The following PNPO variants were observed in gnomAD, a reference collection of about 807,000 sequenced individuals.
The protein encoded by PNPO is pyridoxamine 5'-phosphate oxidase.
Under a neutral mutation model 35.0 loss-of-function variants are expected in PNPO, and 39 were observed. The observed-to-expected ratio is 1.11, with a 90% CI of 0.86 to 1.45. The LOEUF is 1.45. Ranked by LOEUF, PNPO falls within the 40% of genes most tolerant of loss-of-function variation. The probability of loss-of-function intolerance (pLI) is 0.00; values close to 1 mark genes in which losing one functional copy is unlikely to be tolerated. For synonymous variants in PNPO, 115 were observed against 119.8 expected, an observed-to-expected ratio of 0.96 and a Z score of 0.26; for missense variants, 288 against 340.0, an observed-to-expected ratio of 0.85 and a Z score of 1.20.
Position 47,941,607 on chromosome 17 carries a change from G to A in PNPO, c.-69G>A, listed in dbSNP as rs1332797505. 3 of 1,458,344 alleles carry A rather than the reference G, an allele frequency of 2.1e-6. No individual in the cohort carries two copies. Among genetic ancestry groups the A allele is most frequent in the Non-Finnish European group, 2.7e-6 (3 of 1,097,004 alleles). The allele number at this position is 1,458,344 out of a possible 1,614,324, so 90.3% of individuals were successfully genotyped here. A position where few individuals can be genotyped will look rare whatever the true frequency, so the allele number is the denominator to read the frequency against. On this transcript the variant is annotated 5_prime_UTR_variant, in exon 1 of 7. Coordinates refer to ENST00000642017, the MANE Select transcript of PNPO (RefSeq NM_018129.4). ...TCCCCGGGGTAGAAGTCCAGGGTGA[G>A]AAATTGGTTCCGAACTCAAAGGAAC...
chr17:47,945,499 A>C lies in PNPO; in HGVS notation c.364-60A>C. 7.4e-7 allele frequency: 1 copy of C among 1,355,998 alleles called. No homozygotes were observed. Among genetic ancestry groups the C allele is most frequent in the Non-Finnish European group, 1.1e-6 (1 of 944,770 alleles). 84.0% of individuals were successfully genotyped at this position (1,355,998 alleles called of 1,614,324 possible). The stretch of plus-strand genomic sequence containing the variant: ...TACAGCTCTCCTGCCTTTTCCCTGC[A>C]TGCCGGAGGCCTCCTCTCCCTGTCC... On this transcript the variant is annotated intron_variant, in intron 3 of 6. Transcript: ENST00000642017. The surrounding 1 kb of genome is among the most constrained non-coding windows in gnomAD (Gnocchi z 4.0).
intron 2 of PNPO, among the ~76,000 whole-genome samples, chr17:47,943,883 G>A (rs1392577978): frequency 1.3e-5 from 2 of 152,200 alleles, no homozygotes; most frequent in Non-Finnish European, 2.9e-5. Flanking sequence ...AGGCCTTGTA[G>A]CCAGTGCTCT....
At chr17:47,941,840 G>C in intron 1 of PNPO, 27 bp downstream of exon 1, 1 of 1,545,238 alleles carries the variant, frequency 6.5e-7, no homozygotes, top group Non-Finnish European at 8.8e-7. Flanking sequence ...CAGGCCTCCT[G>C]CAGGGGCGGG....
Position 47,946,923 on chromosome 17 carries a change from C to G in PNPO, c.*141C>G. On this transcript the variant is annotated 3_prime_UTR_variant, in exon 7 of 7. Transcript: ENST00000642017. ...TTCAGGACTCTTCAGAGCTAATCCT[C>G]TAAGTTCTCTGTACTCAGTTGGTTC... The G allele has an allele frequency of 1.4e-6, 1 of 728,002 alleles. No homozygotes were observed. Among genetic ancestry groups the G allele is most frequent in the Middle Eastern group, 3.8e-4 (1 of 2,646 alleles). The allele number at this position is 728,002 out of a possible 1,614,324, so 45.1% of individuals were successfully genotyped here.
chr17:47,943,321 C>T lies in PNPO; in HGVS notation c.154C>T (p.His52Tyr), dbSNP rs765350767. The change falls in exon 2 of 7, where the codon CAT becomes TAT. Residue 52 changes from histidine to tyrosine, a missense_variant. Coordinates refer to ENST00000642017, the MANE Select transcript of PNPO (RefSeq NM_018129.4). ...RGDREAFEETHLTSLDPVKQF... is the reference protein window; with the variant it reads ...RGDREAFEETYLTSLDPVKQF... ...CCTTTCCTAGGCATTTGAGGAGACT[C>T]ATCTGACCTCCCTTGACCCAGTGAA... 3 of 1,613,692 alleles carry T rather than the reference C, an allele frequency of 1.9e-6. No individual in the cohort carries two copies. Among genetic ancestry groups the T allele is most frequent in the South Asian group, 1.1e-5 (1 of 91,042 alleles).
chr17:47,942,118 C>T lies in PNPO; in HGVS notation c.138+305C>T, dbSNP rs2035945377. 6.3e-6 allele frequency: 6 copies of T among 948,604 alleles called. No homozygotes were observed. In the South Asian group the frequency reaches 1.6e-4, roughly 25 times the overall value. The allele number at this position is 948,604 out of a possible 1,614,324, so 58.8% of individuals were successfully genotyped here. ...TAATGTATCTGGGCCTCAGTTTCCT[C>T]ATCTGGGAAGTGATAGTATCTGCCT... On this transcript the variant is annotated intron_variant, in intron 1 of 6. Transcript: ENST00000642017.
chr17:47,943,431 G>C lies in PNPO; in HGVS notation c.263+1G>C, dbSNP rs895303255. The stretch of plus-strand genomic sequence containing the variant: ...CCATGTGTCTGGCTACCTGCACCAG[G>C]TGGGCATGGCTGTGGGCCCCTCTTT... On this transcript the variant is annotated splice_donor_variant, in intron 2 of 6. Transcript: ENST00000642017. LOFTEE classifies it high-confidence loss of function. The C allele has an allele frequency of 1.9e-6, 3 of 1,613,440 alleles. No homozygotes were observed. In the African/African-American group the frequency reaches 4.0e-5, roughly 22 times the overall value.
At position 47,946,087 on chromosome 17, in the gene PNPO, G is replaced by A. The variant is rs2036004818; in HGVS notation, c.546+98G>A. ...ATGCCAGGAGATGTCCCCAGGAGAT[G>A]TCCTCTCTCTCCAGCCCAGTGAAAA... On this transcript the variant is annotated intron_variant, in intron 5 of 6. Coordinates refer to ENST00000642017, the MANE Select transcript of PNPO (RefSeq NM_018129.4). The A allele has an allele frequency of 7.6e-6, 11 of 1,448,868 alleles. No homozygotes were observed. In the South Asian group the frequency reaches 1.0e-4, roughly 14 times the overall value. 89.8% of individuals were successfully genotyped at this position (1,448,868 alleles called of 1,614,324 possible).
At chr17:47,946,532 C>G in intron 6 of PNPO, 82 bp from the exon 7 acceptor site, 1 of 1,495,610 alleles carries the variant, frequency 6.7e-7, no homozygotes, top group East Asian at 2.3e-5. Context: ...CTTCAAGAGG[C>G]CCTGGGATGA....
chr17:47,946,456 C>T lies in PNPO; in HGVS notation c.617+63C>T, dbSNP rs1447849417. ...AGGCCCCTGTGTTTACTTGAAGCCA[C>T]CTGCCTGGGGAATCACAGATCTCCT... On this transcript the variant is annotated intron_variant, in intron 6 of 6. Transcript: ENST00000642017. The T allele has an allele frequency of 3.5e-6, 5 of 1,426,756 alleles. No individual in the cohort carries two copies. The Admixed American group carries it at 6.7e-5, about 19-fold the overall frequency. The allele number at this position is 1,426,756 out of a possible 1,614,324, so 88.4% of individuals were successfully genotyped here.
At position 47,941,699 on chromosome 17, in the gene PNPO, C is replaced by T; in HGVS notation, c.24C>T (p.Val8=). 1 of 1,541,142 alleles carries T rather than the reference C, an allele frequency of 6.5e-7. No individual in the cohort carries two copies. The highest frequency in any genetic ancestry group is 2.1e-4 in the Middle Eastern group (1 of 4,698). ...CCATGACGTGCTGGCTGCGGGGCGT[C>T]ACGGCGACGTTCGGGCGACCTGCCG... MTCWLRG[V]TATFGRPAEW... is the part of the protein sequence containing the mutation. Residue 8 remains valine, a synonymous_variant, in exon 1 of 7, where the codon GTC becomes GTT. Coordinates refer to ENST00000642017, the MANE Select transcript of PNPO (RefSeq NM_018129.4).
rs2036042514 is a variant in PNPO, at chr17:47,949,030, G to T, written c.*2248G>T. On this transcript the variant is annotated 3_prime_UTR_variant, in exon 7 of 7. Transcript: ENST00000642017. ...CTCCTTGTTTATCCCTCTTAAGCCTGCGTGCAGGAAGGCACATTAACCCTG... is the reference window on the plus strand; with the variant it reads ...CTCCTTGTTTATCCCTCTTAAGCCTTCGTGCAGGAAGGCACATTAACCCTG... The T allele has an allele frequency of 6.6e-6, 1 of 152,286 alleles. No homozygotes were observed. Among genetic ancestry groups the T allele is most frequent in the East Asian group, 1.9e-4 (1 of 5,200 alleles). 9.4% of individuals were successfully genotyped at this position (152,286 alleles called of 1,614,324 possible).
chr17:47,948,167 T>C lies in PNPO; in HGVS notation c.*1385T>C. Reference sequence around the variant, plus strand: ...GAAGGGCTTCATGTGCTGGTACCAATAGGACAGGAAGATTTTAATCAGCTT... The same window carrying C: ...GAAGGGCTTCATGTGCTGGTACCAACAGGACAGGAAGATTTTAATCAGCTT... On this transcript the variant is annotated 3_prime_UTR_variant, in exon 7 of 7. Coordinates refer to ENST00000642017, the MANE Select transcript of PNPO (RefSeq NM_018129.4). The C allele has an allele frequency of 6.6e-6, 1 of 152,206 alleles. No individual in the cohort carries two copies. Among genetic ancestry groups the C allele is most frequent in the Non-Finnish European group, 1.5e-5 (1 of 68,028 alleles). The allele number at this position is 152,206 out of a possible 1,614,324, so 9.4% of individuals were successfully genotyped here.
In PNPO at chr17:47,941,670, C is replaced by T. The variant is rs762339867; in HGVS notation, c.-6C>T. 1.5e-5 allele frequency: 23 copies of T among 1,524,986 alleles called. No homozygotes were observed. In the Admixed American group the frequency reaches 2.6e-4, roughly 17 times the overall value. 94.5% of individuals were successfully genotyped at this position (1,524,986 alleles called of 1,614,324 possible). On this transcript the variant is annotated 5_prime_UTR_variant, in exon 1 of 7. Transcript: ENST00000642017. ...CACAGCCGGGTCACGTGGCCGGCGGCCCCCCATGACGTGCTGGCTGCGGGG... is the reference window on the plus strand; with the variant it reads ...CACAGCCGGGTCACGTGGCCGGCGGTCCCCCATGACGTGCTGGCTGCGGGG...
Position 47,941,621 on chromosome 17 carries a change from A to G in PNPO, c.-55A>G. On this transcript the variant is annotated 5_prime_UTR_variant, in exon 1 of 7. Coordinates refer to ENST00000642017, the MANE Select transcript of PNPO (RefSeq NM_018129.4). ...GTCCAGGGTGAGAAATTGGTTCCGA[A>G]CTCAAAGGAACCCAGTGCCGGGCCA... The G allele has an allele frequency of 6.8e-7, 1 of 1,474,244 alleles. No homozygotes were observed. The highest frequency in any genetic ancestry group is 9.1e-7 in the Non-Finnish European group (1 of 1,104,140). 91.3% of individuals were successfully genotyped at this position (1,474,244 alleles called of 1,614,324 possible). A position where few individuals can be genotyped will look rare whatever the true frequency, so the allele number is the denominator to read the frequency against.
At chr17:47,942,653 T>C (rs2035955991) in intron 1 of PNPO, among the ~76,000 whole-genome samples, 1 of 152,158 alleles carries the variant, frequency 6.6e-6, no homozygotes, top group Non-Finnish European at 1.5e-5. Context: ...TTTTAGGAAT[T>C]GGGGTCCAGG....
chr17:47,947,054 T>G lies in PNPO; in HGVS notation c.*272T>G, dbSNP rs189065288. 1.5e-3 allele frequency: 690 copies of G among 448,456 alleles called. 1 individual carries two copies. Among genetic ancestry groups the G allele is most frequent in the Admixed American group, 2.3e-3 (68 of 29,010 alleles). The allele number at this position is 448,456 out of a possible 1,614,324, so 27.8% of individuals were successfully genotyped here. Reference sequence around the variant, plus strand: ...CTTGCCTATGATTGATTAGGATAGCTCCCTCTAGGGGTAGCAGCCGGTGTG... The same window carrying G: ...CTTGCCTATGATTGATTAGGATAGCGCCCTCTAGGGGTAGCAGCCGGTGTG... On this transcript the variant is annotated 3_prime_UTR_variant, in exon 7 of 7. Coordinates refer to ENST00000642017, the MANE Select transcript of PNPO (RefSeq NM_018129.4).
At chr17:47,944,571 C>T in intron 2 of PNPO, 45 bp from the exon 3 acceptor site, 1 of 1,446,672 alleles carries the variant, frequency 6.9e-7, no homozygotes, top group Non-Finnish European at 9.7e-7. Context: ...ATAGCCAGAA[C>T]ATTGAAGCAG....
chr17:47,941,915 T>G, intron 1 of PNPO, 102 bp downstream of exon 1: 1 of 1,401,762 alleles, frequency 7.1e-7, no homozygotes, highest in South Asian at 1.5e-5. Context: ...TCGGGGCTTC[T>G]GGGGCCACCC....
Sources: gnomAD v4.1 joint callset for allele counts (sites outside exome capture counted in the v4.1 genomes callset) on GRCh38, gnomAD v4.1.1 for gene constraint, Gnocchi (gnomAD v3.1) non-coding constraint, MANE v1.5 for transcripts, NCBI Gene and HGNC (gene_info 2026-07-23, HGNC 2026-07-21) for gene names.